RPS6KC1: variants seen among roughly 807,000 people sequenced by gnomAD.
RPS6KC1 encodes the protein inactive ribosomal protein S6 kinase delta-1.
Under a neutral mutation model 103.8 loss-of-function variants are expected in RPS6KC1, and 54 were observed. The ratio of observed to expected loss-of-function variants is 0.52; its 90% confidence interval spans 0.42 to 0.65. The LOEUF is 0.65. Ranked by LOEUF, RPS6KC1 falls within the 30% of genes least tolerant of loss-of-function variation. The pLI is 0.00. For synonymous variants in RPS6KC1, 439 were observed against 438.7 expected (o/e 1.00, Z -0.01); for missense variants, 1,151 against 1,253.8 (o/e 0.92, Z 1.24).
chr1:213,629,136 C>T, the RPS6KC1 span, among the ~76,000 whole-genome samples: 1 of 152,248 alleles, frequency 6.6e-6, no homozygotes, highest in East Asian at 1.9e-4. Flanking sequence ...CCTGGGTATC[C>T]TTGTTAACCT....
chr1:213,758,548 A>G, the RPS6KC1 span, among the ~76,000 whole-genome samples: 1 of 151,770 alleles, frequency 6.6e-6, no homozygotes, highest in Non-Finnish European at 1.5e-5. Flanking sequence ...ACTACACCCC[A>G]GCCTGGGTGG....
chr1:213,329,476 G>T, the RPS6KC1 span, among the ~76,000 whole-genome samples: 1 of 152,116 alleles, frequency 6.6e-6, no homozygotes, highest in Non-Finnish European at 1.5e-5. Flanking sequence ...AGTTGTCTTG[G>T]GGGAGGCTCT....
chr1:213,475,850 A>G, the RPS6KC1 span, among the ~76,000 whole-genome samples: 1 of 152,138 alleles, frequency 6.6e-6, no homozygotes, highest in Non-Finnish European at 1.5e-5. Flanking sequence ...CCCTTTTGCT[A>G]GTTTACCCTC....
the RPS6KC1 span, among the ~76,000 whole-genome samples, chr1:213,338,615 GT>G: frequency 1.3e-5 from 2 of 152,188 alleles, no homozygotes; most frequent in Non-Finnish European, 2.9e-5. Context: ...TAAACGTGAT[GT>G]GGTACATTGG....
At chr1:213,604,136 ACT>A in the RPS6KC1 span, among the ~76,000 whole-genome samples, 6 of 152,110 alleles carry the variant, frequency 3.9e-5, no homozygotes, top group Admixed American at 2.0e-4. Context: ...AATCAGCTAG[ACT>A]CTGCCCAGTG....
chr1:213,424,069 T>C, the RPS6KC1 span, among the ~76,000 whole-genome samples: 1 of 152,214 alleles, frequency 6.6e-6, no homozygotes, highest in Non-Finnish European at 1.5e-5. Context: ...GGGATTGTTC[T>C]TTTTTAGCTG....
chr1:213,249,077 G>A (rs140965315), intron 12 of RPS6KC1, among the ~76,000 whole-genome samples: 2 of 152,098 alleles, frequency 1.3e-5, no homozygotes, highest in Admixed American at 6.5e-5. Context: ...TTTCAGAAGA[G>A]GAACATGAGA....
At chr1:213,123,480 A>G (rs988247993) in intron 5 of RPS6KC1, among the ~76,000 whole-genome samples, 4 of 152,184 alleles carry the variant, frequency 2.6e-5, no homozygotes, top group Admixed American at 2.0e-4. Flanking sequence ...AGCATAATAG[A>G]CATGACCCAA....
the RPS6KC1 span, among the ~76,000 whole-genome samples, chr1:213,734,192 A>G: frequency 2.6e-4 from 39 of 152,156 alleles, no homozygotes; most frequent in African/African-American, 9.4e-4. Context: ...CACAGCCCAG[A>G]TCCTTTTCTT....
chr1:213,317,592 A>G, the RPS6KC1 span, among the ~76,000 whole-genome samples: 7 of 152,354 alleles, frequency 4.6e-5, no homozygotes, highest in East Asian at 1.3e-3. Context: ...TGGGGCATCA[A>G]TGTATGAATT....
chr1:213,508,821 A>C, the RPS6KC1 span, among the ~76,000 whole-genome samples: 2 of 152,202 alleles, frequency 1.3e-5, no homozygotes, highest in Non-Finnish European at 2.9e-5. Context: ...TCAGTTGCTA[A>C]TCTGCAAATG....
intron 2 of RPS6KC1, among the ~76,000 whole-genome samples, chr1:213,071,844 C>T (rs951530535): frequency 2.0e-5 from 3 of 151,904 alleles, no homozygotes; most frequent in Non-Finnish European, 4.4e-5. Context: ...AGTTCTTTTG[C>T]AGATTCTTCT....
the RPS6KC1 span, among the ~76,000 whole-genome samples, chr1:213,479,661 A>C: frequency 3.3e-4 from 50 of 152,208 alleles, no homozygotes; most frequent in African/African-American, 1.1e-3. Context: ...ACATCAGTAC[A>C]GCATGAGTAA....
At chr1:213,601,059 C>T in the RPS6KC1 span, among the ~76,000 whole-genome samples, 1 of 152,200 alleles carries the variant, frequency 6.6e-6, no homozygotes, top group Non-Finnish European at 1.5e-5. Flanking sequence ...AAATGATCCT[C>T]ATTCCTGCCA....
chr1:213,189,187 G>A (rs1213183743), intron 8 of RPS6KC1, among the ~76,000 whole-genome samples: 4 of 151,976 alleles, frequency 2.6e-5, no homozygotes, highest in Non-Finnish European at 4.4e-5. Flanking sequence ...GGTGGCTTAC[G>A]TCTGAAATCC....
chr1:213,283,453 C>G, the RPS6KC1 span, among the ~76,000 whole-genome samples: 1 of 152,144 alleles, frequency 6.6e-6, no homozygotes, highest in Non-Finnish European at 1.5e-5. Context: ...GCAAGACTTG[C>G]ATGGTATGTG....
chr1:213,582,116 A>G, the RPS6KC1 span, among the ~76,000 whole-genome samples: 5 of 147,576 alleles, frequency 3.4e-5, no homozygotes, highest in African/African-American at 1.3e-4. Flanking sequence ...TTCATTTTTG[A>G]ACATCCAATG....
chr1:213,410,299 C>G, the RPS6KC1 span, among the ~76,000 whole-genome samples: 1 of 151,892 alleles, frequency 6.6e-6, no homozygotes, highest in Non-Finnish European at 1.5e-5. Flanking sequence ...GGGGTGAGAT[C>G]CAGAGCCCAG....
chr1:213,773,528 T>C, the RPS6KC1 span, among the ~76,000 whole-genome samples: 1 of 148,690 alleles, frequency 6.7e-6, no homozygotes, highest in East Asian at 1.9e-4. Context: ...ATATAGATAT[T>C]ATGTATAGAT....
Sources: gnomAD v4.1 joint callset for allele counts (sites outside exome capture counted in the v4.1 genomes callset) on GRCh38, gnomAD v4.1.1 for gene constraint, MANE v1.5 for transcripts, NCBI Gene and HGNC (gene_info 2026-07-23, HGNC 2026-07-21) for gene names.